LRIT3: variants seen among roughly 807,000 people sequenced by gnomAD.
The protein encoded by LRIT3 is leucine rich repeat, Ig-like and transmembrane domains 3.
LRIT3 carries 14 observed loss-of-function variants against 22.6 expected under a neutral mutation model. The observed-to-expected ratio is 0.62, with a 90% CI of 0.41 to 0.97. The LOEUF (loss-of-function observed/expected upper bound fraction) is 0.97, where lower values mean the gene tolerates loss of function less well. Among genes scored for constraint, LRIT3 ranks in the 50% least tolerant of loss-of-function variants. The pLI, the probability that LRIT3 is intolerant of heterozygous loss-of-function variation, is 0.00. For synonymous variants in LRIT3, 306 were observed against 304.5 expected (o/e 1.01, Z -0.05); for missense variants, 783 against 803.0 (o/e 0.98, Z 0.30).
At position 109,870,892 on chromosome 4, in the gene LRIT3, A is replaced by G. The variant is rs76050257; in HGVS notation, c.*103A>G. On this transcript the variant is annotated 3_prime_UTR_variant, in exon 4 of 4. Coordinates refer to ENST00000594814, the MANE Select transcript of LRIT3 (RefSeq NM_198506.5). ...TGGACAGACTTTCACATTGTACATG[A>G]AAATCACAAATGGAATGCTTTTAAG... 0.013 allele frequency: 15,058 copies of G among 1,183,850 alleles called. 864 individuals are homozygous for G. In the East Asian group the frequency reaches 0.15, roughly 12 times the overall value. 73.3% of individuals were successfully genotyped at this position (1,183,850 alleles called of 1,614,324 possible).
chr4:109,870,215 A>T lies in LRIT3; in HGVS notation c.1466A>T (p.Asn489Ile). ...MLTETNAAIE[N>I]LRVVSETKES... ...ACGGAGACAAATGCCGCAATAGAAA[A>T]CCTCAGGGTGGTCAGTGAGACTAAA... The change falls in exon 4 of 4, where the codon AAC (asparagine) becomes ATC (isoleucine). Residue 489 changes from asparagine to isoleucine, a missense_variant. Around this residue, in one of 2 missense-constraint regions of LRIT3, gnomAD observed 756 missense variants for 753.8 expected, o/e 1.00. Transcript: ENST00000594814. The T allele has an allele frequency of 6.2e-7, 1 of 1,614,128 alleles. No individual in the cohort carries two copies. The highest frequency in any genetic ancestry group is 8.5e-7 in the Non-Finnish European group (1 of 1,180,014).
Position 109,870,444 on chromosome 4 carries a change from A to G in LRIT3, c.1695A>G (p.Gln565=), listed in dbSNP as rs774122015. 3 of 1,614,216 alleles carry G rather than the reference A, an allele frequency of 1.9e-6. No individual in the cohort carries two copies. Among genetic ancestry groups the G allele is most frequent in the South Asian group, 1.1e-5 (1 of 91,076 alleles). ...CPKGVPPQKD[Q]CITFSTERVE... Reference sequence around the variant, plus strand: ...AAGGAGTGCCTCCCCAGAAAGACCAATGCATCACCTTTTCTACTGAAAGAG... The same window carrying G: ...AAGGAGTGCCTCCCCAGAAAGACCAGTGCATCACCTTTTCTACTGAAAGAG... Residue 565 remains glutamine (Q), a synonymous_variant, in exon 4 of 4, where the codon CAA becomes CAG. Transcript: ENST00000594814.
intron 2 of LRIT3, among the ~76,000 whole-genome samples, chr4:109,856,991 T>C (rs1210336094): frequency 6.6e-6 from 1 of 152,088 alleles, no homozygotes; most frequent in Non-Finnish European, 1.5e-5. Context: ...ATAACATCGA[T>C]AGAAGAGGAA....
At chr4:109,866,287 T>A (rs1734678601) in intron 2 of LRIT3, among the ~76,000 whole-genome samples, 1 of 152,140 alleles carries the variant, frequency 6.6e-6, no homozygotes, top group Non-Finnish European at 1.5e-5. Context: ...TGTGACAAAT[T>A]TTTTTCTATC....
chr4:109,869,725 T>C lies in LRIT3; in HGVS notation c.976T>C (p.Tyr326His), dbSNP rs766599778. Residue 326 changes from tyrosine (Y) to histidine (H), a missense_variant, in exon 4 of 4, where the codon TAC becomes CAC. This residue lies in a region of LRIT3 where 756 missense variants were observed against 753.8 expected (regional missense o/e 1.00). Transcript: ENST00000594814. ...TGISSKDAGDYKCKAKNLAGM... is the reference protein window; with the variant it reads ...TGISSKDAGDHKCKAKNLAGM... Reference sequence around the variant, plus strand: ...CATTTCTTCCAAAGACGCTGGGGATTACAAATGTAAGGCCAAAAATCTGGC... The same window carrying C: ...CATTTCTTCCAAAGACGCTGGGGATCACAAATGTAAGGCCAAAAATCTGGC... The C allele has an allele frequency of 1.2e-6, 2 of 1,612,024 alleles. No homozygotes were observed. Among genetic ancestry groups the C allele is most frequent in the Non-Finnish European group, 1.7e-6 (2 of 1,178,690 alleles).
chr4:109,853,173 G>T (rs541468886), intron 2 of LRIT3, among the ~76,000 whole-genome samples: 48 of 152,248 alleles, frequency 3.2e-4, no homozygotes, highest in African/African-American at 1.1e-3. Flanking sequence ...CTTCCACAAT[G>T]ATTGAACTAA....
chr4:109,850,401 TCCTTCCTTCCTTCCTTCCTTC>T (rs1294541975), intron 1 of LRIT3, among the ~76,000 whole-genome samples: 66 of 2,180 alleles, frequency 0.03, 1 homozygote, highest in Admixed American at 0.056. Flanking sequence ...CTTCCTTCCT[TCCTTCCTTCCTTCCTTCCTTC>T]CTTTCTTTCT....
chr4:109,866,642 C>A (rs940136530), intron 2 of LRIT3, among the ~76,000 whole-genome samples: 3 of 152,166 alleles, frequency 2.0e-5, no homozygotes, highest in African/African-American at 7.2e-5. Context: ...AGGTAGACCA[C>A]ATTGCATTGA....
intron 2 of LRIT3, among the ~76,000 whole-genome samples, chr4:109,859,681 A>C (rs188672907): frequency 3.3e-5 from 5 of 152,190 alleles, no homozygotes; most frequent in African/African-American, 1.2e-4. Context: ...TAGGCTCTCC[A>C]CAAGGGTCAC....
intron 2 of LRIT3, chr4:109,865,063 T>C: frequency 7.1e-7 from 1 of 1,413,442 alleles, no homozygotes; most frequent in Non-Finnish European, 9.3e-7. Context: ...TTAGTGTTAG[T>C]TTGTTGTTCC....
At chr4:109,857,235 A>G (rs1319643236) in intron 2 of LRIT3, among the ~76,000 whole-genome samples, 3 of 144,976 alleles carry the variant, frequency 2.1e-5, no homozygotes, top group South Asian at 2.2e-4. Context: ...TATAGATAGT[A>G]TATATATTTT....
intron 2 of LRIT3, 84 bp from the exon 3 acceptor site, chr4:109,867,557 T>C: frequency 3.2e-6 from 4 of 1,269,228 alleles, no homozygotes; most frequent in Non-Finnish European, 4.5e-6. Context: ...GGAGACAGTG[T>C]AGATCCCTAC....
intron 2 of LRIT3, among the ~76,000 whole-genome samples, chr4:109,861,229 G>A (rs1401331630): frequency 6.6e-6 from 1 of 151,936 alleles, no homozygotes; most frequent in Admixed American, 6.6e-5. Context: ...AATTAGCCAG[G>A]TGTGGTGGTG....
intron 1 of LRIT3, among the ~76,000 whole-genome samples, chr4:109,850,795 G>A (rs572050347): frequency 9.2e-5 from 14 of 151,750 alleles, no homozygotes; most frequent in Non-Finnish European, 1.8e-4. Flanking sequence ...GCCCAGTGTT[G>A]TTTTTCTATG....
chr4:109,870,643 C>A lies in LRIT3; in HGVS notation c.1894C>A (p.Leu632Met), dbSNP rs745674496. 1 of 1,614,096 alleles carries A rather than the reference C, an allele frequency of 6.2e-7. No homozygotes were observed. The highest frequency in any genetic ancestry group is 8.5e-7 in the Non-Finnish European group (1 of 1,180,014). The change falls in exon 4 of 4, where the codon CTG becomes ATG. Residue 632 changes from leucine to methionine, a missense_variant. Coordinates refer to ENST00000594814, the MANE Select transcript of LRIT3 (RefSeq NM_198506.5). ...AKETYIQFET[L>M]FPRSQSVGEL... ...GGAGACTTATATCCAATTTGAGACC[C>A]TGTTTCCCAGGTCTCAAAGTGTAGG...
chr4:109,869,395 G>T (rs1375055269), intron 3 of LRIT3, among the ~76,000 whole-genome samples: 3 of 152,166 alleles, frequency 2.0e-5, no homozygotes, highest in Non-Finnish European at 4.4e-5. Flanking sequence ...CAAGTGTCCT[G>T]ATTCCCAGCC....
At chr4:109,849,213 T>C (rs1219351344) in intron 1 of LRIT3, among the ~76,000 whole-genome samples, 1 of 152,224 alleles carries the variant, frequency 6.6e-6, no homozygotes, top group Non-Finnish European at 1.5e-5. Context: ...GTATAAACTT[T>C]AGTTAACCAA....
rs1251855713 is a variant in LRIT3 at position 109,870,970 on chromosome 4, AT to A, written c.*189del. The A allele has an allele frequency of 5.6e-6, 3 of 534,284 alleles. No homozygotes were observed. Among genetic ancestry groups the A allele is most frequent in the East Asian group, 3.3e-5 (1 of 30,706 alleles). The allele number at this position is 534,284 out of a possible 1,614,324, so 33.1% of individuals were successfully genotyped here. A position where few individuals can be genotyped will look rare whatever the true frequency, so the allele number is the denominator to read the frequency against. On this transcript the variant is annotated 3_prime_UTR_variant, in exon 4 of 4. Coordinates refer to ENST00000594814, the MANE Select transcript of LRIT3 (RefSeq NM_198506.5). ...TGAACTGAAAAGACAAATAATGTTG[AT>A]TTTTTTTCTTGTGTGGAAAAGGTCT...
intron 2 of LRIT3, among the ~76,000 whole-genome samples, chr4:109,855,108 T>G (rs1201174114): frequency 6.6e-6 from 1 of 150,434 alleles, no homozygotes; most frequent in Non-Finnish European, 1.5e-5. Context: ...TGTTTTTCTT[T>G]TTTTCTTTCT....
Sources: allele counts gnomAD v4.1 joint callset (sites outside exome capture counted in the v4.1 genomes callset), GRCh38; gene constraint gnomAD v4.1.1; regional missense constraint gnomAD v4.1.1; transcripts MANE v1.5; gene names NCBI Gene and HGNC (gene_info 2026-07-23, HGNC 2026-07-21).